Variants in YAF2 observed in about 807,000 individuals in gnomAD.
YAF2 encodes YY1-associated factor 2.
Under a neutral mutation model 20.1 loss-of-function variants are expected in YAF2, and 7 were observed. The ratio of observed to expected loss-of-function variants is 0.35; its 90% CI spans 0.20 to 0.65. The LOEUF is 0.65. Among genes scored for constraint, YAF2 ranks in the 30% least tolerant of loss-of-function variants. The pLI is 0.69. For missense variants in YAF2, 151 were observed against 219.2 expected (o/e 0.69, Z 1.96); for synonymous variants, 74 against 76.0 (o/e 0.97, Z 0.14).
intron 2 of YAF2, among the ~76,000 whole-genome samples, chr12:42,176,345 T>C (rs2066192522): frequency 6.6e-6 from 1 of 152,042 alleles, no homozygotes; most frequent in South Asian, 2.1e-4. Context: ...GGTCTCAAAC[T>C]TCTGGCCTCA....
intron 2 of YAF2, among the ~76,000 whole-genome samples, chr12:42,185,448 G>C (rs539523857): frequency 1.3e-5 from 2 of 152,228 alleles, no homozygotes; most frequent in African/African-American, 4.8e-5. Context: ...CTTAAATTTT[G>C]AAAGAAGTTT....
intron 2 of YAF2, among the ~76,000 whole-genome samples, chr12:42,182,068 T>C (rs183899914): frequency 6.6e-6 from 1 of 152,282 alleles, no homozygotes; most frequent in African/African-American, 2.4e-5. Flanking sequence ...AGTAAGGTTT[T>C]ATAAAACAAG....
intron 2 of YAF2, among the ~76,000 whole-genome samples, chr12:42,202,164 A>C (rs2066917192): frequency 6.6e-6 from 1 of 152,162 alleles, no homozygotes; most frequent in Admixed American, 6.5e-5. Flanking sequence ...CCGCCAAGGA[A>C]TGCCATTTCT....
Position 42,182,921 on chromosome 12 carries a change from C to T in YAF2, c.153-21156G>A, listed in dbSNP as rs546437082. On this transcript the variant is annotated intron_variant, in intron 2 of 3. Coordinates refer to ENST00000534854, the MANE Select transcript of YAF2 (RefSeq NM_005748.6). ...CATTTTATTGTGCATTACTTTATTA[C>T]TTTTTACAAATTGAAGGTTTGTGGC... Among the ~76,000 whole-genome samples, 15 of 152,178 alleles carry T rather than the reference C, an allele frequency of 9.9e-5. No individual in the cohort carries two copies. In the East Asian group the frequency reaches 2.9e-3, roughly 29 times the overall value.
intron 2 of YAF2, among the ~76,000 whole-genome samples, chr12:42,198,008 G>C (rs1407490610): frequency 2.6e-5 from 4 of 151,492 alleles, no homozygotes; most frequent in African/African-American, 9.7e-5. Flanking sequence ...GTATCTACTA[G>C]GAAAAAAAGT....
At chr12:42,167,009 TAAG>T (rs1302755869) in intron 2 of YAF2, among the ~76,000 whole-genome samples, 1 of 151,890 alleles carries the variant, frequency 6.6e-6, no homozygotes, top group African/African-American at 2.4e-5. Context: ...TGGAAATAAC[TAAG>T]TAGTAAAGAT....
chr12:42,172,993 T>C (rs762093383), intron 2 of YAF2, among the ~76,000 whole-genome samples: 3 of 151,702 alleles, frequency 2.0e-5, no homozygotes, highest in Non-Finnish European at 4.4e-5. Context: ...GGTTAGGACA[T>C]TAAGGAACAA....
At chr12:42,192,939 G>GT (rs1171947921) in intron 2 of YAF2, among the ~76,000 whole-genome samples, 2 of 152,212 alleles carry the variant, frequency 1.3e-5, no homozygotes, top group Admixed American at 6.5e-5. Flanking sequence ...TGAAGTAGCT[G>GT]TCATAACATC....
chr12:42,228,682 G>A (rs1381995346), intron 2 of YAF2, among the ~76,000 whole-genome samples: 39 of 101,706 alleles, frequency 3.8e-4, no homozygotes, highest in South Asian at 1.6e-3. Context: ...CCCCCTGCCC[G>A]GCCAGCCGCC....
intron 2 of YAF2, among the ~76,000 whole-genome samples, chr12:42,170,190 A>G (rs542393327): frequency 6.6e-6 from 1 of 152,156 alleles, no homozygotes; most frequent in African/African-American, 2.4e-5. Flanking sequence ...TGTTTTTGAT[A>G]AGTCAGTCAG....
intron 2 of YAF2, among the ~76,000 whole-genome samples, chr12:42,181,682 T>A (rs2066345603): frequency 6.6e-6 from 1 of 152,172 alleles, no homozygotes; most frequent in Non-Finnish European, 1.5e-5. Context: ...TTTTAACTCA[T>A]AAAAGCAGAG....
At chr12:42,212,813 A>T (rs1176670497) in intron 2 of YAF2, among the ~76,000 whole-genome samples, 1 of 152,230 alleles carries the variant, frequency 6.6e-6, no homozygotes, top group Non-Finnish European at 1.5e-5. Flanking sequence ...TAAGTATAAC[A>T]GTAATAAATC....
intron 2 of YAF2, among the ~76,000 whole-genome samples, chr12:42,195,911 C>T (rs1010897012): frequency 2.6e-5 from 4 of 151,788 alleles, no homozygotes; most frequent in East Asian, 3.9e-4. Context: ...GCAGGAGTTG[C>T]GGGGGCAGAG....
At chr12:42,196,833 A>C (rs974049530) in intron 2 of YAF2, among the ~76,000 whole-genome samples, 4 of 152,210 alleles carry the variant, frequency 2.6e-5, no homozygotes, top group Non-Finnish European at 5.9e-5. Context: ...TAAACAAAAC[A>C]AGACTATGAG....
chr12:42,186,889 T>C (rs1368640941), intron 2 of YAF2, among the ~76,000 whole-genome samples: 2 of 152,104 alleles, frequency 1.3e-5, no homozygotes, highest in African/African-American at 2.4e-5. Context: ...AAGTTCAATA[T>C]GAATATTCAG....
chr12:42,182,341 T>G (rs1156627963), intron 2 of YAF2, among the ~76,000 whole-genome samples: 1 of 152,170 alleles, frequency 6.6e-6, no homozygotes, highest in Non-Finnish European at 1.5e-5. Context: ...TAACAGGTAT[T>G]TTTGCTTTAC....
chr12:42,165,884 A>ATATCTATC (rs548540208), intron 2 of YAF2, among the ~76,000 whole-genome samples: 11 of 146,814 alleles, frequency 7.5e-5, no homozygotes, highest in African/African-American at 2.8e-4. Flanking sequence ...AATTCTATCT[A>ATATCTATC]TATCTATCTA....
chr12:42,173,876 C>T (rs532904752), intron 2 of YAF2, among the ~76,000 whole-genome samples: 10 of 152,242 alleles, frequency 6.6e-5, no homozygotes, highest in Admixed American at 3.3e-4. Flanking sequence ...AAAAGAGAAG[C>T]TATTCGATTA....
At chr12:42,233,104 A>G (rs1260297369) in intron 2 of YAF2, 1 of 985,446 alleles carries the variant, frequency 1.0e-6, no homozygotes, top group Non-Finnish European at 1.2e-6. Flanking sequence ...TGAATGCTGA[A>G]TATTGAAATG....
Sources: allele counts gnomAD v4.1 joint callset (sites outside exome capture counted in the v4.1 genomes callset), GRCh38; gene constraint gnomAD v4.1.1; transcripts MANE v1.5; gene names NCBI Gene and HGNC (gene_info 2026-07-23, HGNC 2026-07-21).